FADS2: variants seen among roughly 807,000 people sequenced by gnomAD.
FADS2 encodes fatty acid desaturase 2.
A neutral mutation model predicts 61.2 loss-of-function variants in FADS2; 18 were observed. That is an observed-to-expected ratio of 0.29 (90% confidence interval 0.20 to 0.44). The LOEUF is 0.44. Ranked by LOEUF, FADS2 falls within the 20% of genes least tolerant of loss-of-function variation. The pLI, the probability that FADS2 is intolerant of heterozygous loss-of-function variation, is 1.00. For synonymous variants in FADS2, 203 were observed against 223.9 expected, an observed-to-expected ratio of 0.91 and a Z score of 0.83; for missense variants, 322 against 572.7, an observed-to-expected ratio of 0.56 and a Z score of 4.47.
At position 61,840,478 on chromosome 11, in the gene FADS2, G is replaced by C; in HGVS notation, c.463G>C (p.Gly155Arg). Residue 155 changes from glycine (G) to arginine (R), a missense_variant, in exon 3 of 12, where the codon GGC becomes CGC. Physicochemically the swap from Gly to Arg is moderately radical, Grantham distance 125 (BLOSUM62 -2). This residue lies in a region of FADS2 where 221 missense variants were observed against 427.9 expected (regional missense o/e 0.52). Coordinates refer to ENST00000278840, the MANE Select transcript of FADS2 (RefSeq NM_004265.4). ...TGCATGGTTCACTGTCTTTTACTTT[G>C]GCAATGGCTGGATTCCTACCCTCAT... ...SIAWFTVFYF[G>R]NGWIPTLITA... is the part of the protein sequence containing the mutation. 1 of 1,614,116 alleles carries C rather than the reference G, an allele frequency of 6.2e-7. No individual in the cohort carries two copies. The highest frequency in any genetic ancestry group is 1.1e-5 in the South Asian group (1 of 91,078).
chr11:61,819,554 A>C (rs1420155091), intron 1 of FADS2, among the ~76,000 whole-genome samples: 2 of 152,222 alleles, frequency 1.3e-5, no homozygotes, highest in African/African-American at 4.8e-5. Context: ...TCCACACACA[A>C]AAAAAGAAAA....
Position 61,833,990 on chromosome 11 carries a change from G to A in FADS2, c.208-3788G>A, listed in dbSNP as rs142627833. On this transcript the variant is annotated intron_variant, in intron 1 of 11. Transcript: ENST00000278840. ...GTTTATGCTCCAGCGGGGGACGCAG[G>A]CCATAAACAAGTGGGTACGTCACGC... Among the ~76,000 whole-genome samples the A allele has an allele frequency of 4.3e-3, 656 of 152,342 alleles. 4 individuals carry two copies. Among genetic ancestry groups the A allele is most frequent in the African/African-American group, 0.014 (600 of 41,568 alleles).
At chr11:61,831,548 T>C (rs1377714514) in intron 1 of FADS2, among the ~76,000 whole-genome samples, 1 of 152,140 alleles carries the variant, frequency 6.6e-6, no homozygotes, top group Non-Finnish European at 1.5e-5. Context: ...GTAGTCAAGA[T>C]CCATCTCCCT....
chr11:61,850,866 C>T (rs544322282), intron 5 of FADS2, among the ~76,000 whole-genome samples: 14 of 152,248 alleles, frequency 9.2e-5, no homozygotes, highest in South Asian at 2.1e-4. Context: ...ACAGCCTTGG[C>T]GCCTAAGGCT....
In FADS2 at chr11:61,828,307, A is replaced by G. The variant is rs1435138130; in HGVS notation, c.-84A>G. The G allele has an allele frequency of 6.6e-7, 1 of 1,516,740 alleles. No individual in the cohort carries two copies. The highest frequency in any genetic ancestry group is 1.4e-5 in the African/African-American group (1 of 72,480). 94.0% of individuals were successfully genotyped at this position (1,516,740 alleles called of 1,614,324 possible). A position where few individuals can be genotyped will look rare whatever the true frequency, so the allele number is the denominator to read the frequency against. On this transcript the variant is annotated 5_prime_UTR_variant, in exon 1 of 12. Transcript: ENST00000278840. The surrounding 1 kb of genome is among the most constrained non-coding windows in gnomAD (Gnocchi z 6.4). ...AGCGAAGAGGGCCCGGGCTGCACAC[A>G]CCGGCTGGGAGGCAGCCGTCTGTGC...
At chr11:61,863,126 T>TG in intron 8 of FADS2, 57 bp downstream of exon 8, 1 of 1,539,046 alleles carries the variant, frequency 6.5e-7, no homozygotes, top group Non-Finnish European at 9.0e-7. Context: ...ATGATGGCTT[T>TG]GGCATGAGAA....
chr11:61,829,011 A>G (rs1024294948), intron 1 of FADS2, among the ~76,000 whole-genome samples: 7 of 152,240 alleles, frequency 4.6e-5, no homozygotes, highest in African/African-American at 1.7e-4. Flanking sequence ...GCGGGAGCGC[A>G]GGCAGCCAGG....
chr11:61,824,502 G>GGAAGAAAGAAA (rs1555073326), upstream of FADS2, among the ~76,000 whole-genome samples: 3 of 21,688 alleles, frequency 1.4e-4, 1 homozygote, highest in Non-Finnish European at 2.9e-4. Flanking sequence ...AAGAAAGAAA[G>GGAAGAAAGAAA]GAAAGAAAGA....
chr11:61,831,096 G>T (rs2067124831), intron 1 of FADS2, among the ~76,000 whole-genome samples: 1 of 151,962 alleles, frequency 6.6e-6, no homozygotes, highest in South Asian at 2.1e-4. Context: ...TCTTTGTTTT[G>T]TTTTGTTTTT....
At chr11:61,818,991 C>T (rs1174499194) in intron 1 of FADS2, among the ~76,000 whole-genome samples, 2 of 152,088 alleles carry the variant, frequency 1.3e-5, no homozygotes, top group East Asian at 1.9e-4. Context: ...CTGCCTTAGC[C>T]TCCCAAGTAG....
intron 5 of FADS2, among the ~76,000 whole-genome samples, chr11:61,851,360 G>A (rs752171556): frequency 6.6e-6 from 1 of 152,174 alleles, no homozygotes; most frequent in Non-Finnish European, 1.5e-5. Context: ...CGACACTTCT[G>A]GAACGCTGGC....
At chr11:61,853,233 CT>C (rs2067323328) in intron 5 of FADS2, among the ~76,000 whole-genome samples, 1 of 45,406 alleles carries the variant, frequency 2.2e-5, no homozygotes, top group African/African-American at 1.3e-4. Flanking sequence ...TCTTTCTTCT[CT>C]TTCTTTCTTT....
intron 2 of FADS2, among the ~76,000 whole-genome samples, chr11:61,838,365 G>C (rs2067192239): frequency 6.6e-6 from 1 of 152,172 alleles, no homozygotes; most frequent in African/African-American, 2.4e-5. Flanking sequence ...GAGGTCTCAT[G>C]GGCTGTTGTT....
Position 61,856,203 on chromosome 11 carries a change from G to A in FADS2, c.745-808G>A, listed in dbSNP as rs2067357504. On this transcript the variant is annotated intron_variant, in intron 5 of 11. Coordinates refer to ENST00000278840, the MANE Select transcript of FADS2 (RefSeq NM_004265.4). ...TGGACCATGGAATTAAGGGCTCCAG[G>A]GATCCCCTGGGGCCGTGGTTCCTAT... The A allele has an allele frequency of 2.0e-5, 3 of 152,222 alleles. No individual in the cohort carries two copies. In the South Asian group the frequency reaches 6.2e-4, roughly 31 times the overall value. 9.4% of individuals were successfully genotyped at this position (152,222 alleles called of 1,614,324 possible).
chr11:61,830,283 G>A (rs988092241), intron 1 of FADS2, among the ~76,000 whole-genome samples: 2 of 152,234 alleles, frequency 1.3e-5, no homozygotes, highest in Non-Finnish European at 2.9e-5. Flanking sequence ...AGAAGGAAAA[G>A]TCAAATACGA....
chr11:61,851,754 C>T (rs1054821437), intron 5 of FADS2, among the ~76,000 whole-genome samples: 5 of 152,240 alleles, frequency 3.3e-5, no homozygotes, highest in Non-Finnish European at 7.3e-5. Flanking sequence ...GCAAAGCAGC[C>T]CTGCCAAGCG....
chr11:61,831,254 C>A (rs1408699499), intron 1 of FADS2, among the ~76,000 whole-genome samples: 1 of 152,050 alleles, frequency 6.6e-6, no homozygotes, highest in Non-Finnish European at 1.5e-5. Flanking sequence ...TGGCTTTGCC[C>A]CTTGGGGTGA....
intron 1 of FADS2, 43 bp from the exon 2 acceptor site, chr11:61,837,735 C>G: frequency 7.2e-7 from 1 of 1,384,462 alleles, no homozygotes; most frequent in Non-Finnish European, 1.0e-6. Context: ...CAAGAGCAGA[C>G]AGAGTTCAGG....
chr11:61,834,860 A>T (rs928280554), intron 1 of FADS2, among the ~76,000 whole-genome samples: 2 of 151,334 alleles, frequency 1.3e-5, no homozygotes, highest in Non-Finnish European at 2.9e-5. Flanking sequence ...GGCCTTGCTC[A>T]TTTTGCATAG....
Sources: gnomAD v4.1 joint callset for allele counts (sites outside exome capture counted in the v4.1 genomes callset) on GRCh38, gnomAD v4.1.1 for gene constraint, gnomAD v4.1.1 regional missense constraint, Gnocchi (gnomAD v3.1) non-coding constraint, MANE v1.5 for transcripts, NCBI Gene and HGNC (gene_info 2026-07-23, HGNC 2026-07-21) for gene names.